Variants in TBL1X observed in about 807,000 individuals in gnomAD.
The protein encoded by TBL1X is transducin beta like 1 X-linked, also known as F-box-like/WD repeat-containing protein TBL1X.
In TBL1X, 10 loss-of-function variants were observed where a neutral mutation model predicts 50.7. The observed-to-expected ratio is 0.20, with a 90% CI of 0.12 to 0.33. The LOEUF (loss-of-function observed/expected upper bound fraction) is 0.33. TBL1X is among the 10% of genes least tolerant of loss of function. The pLI is 1.00. For missense variants in TBL1X, 340 were observed against 504.4 expected (o/e 0.67, Z 3.12); for synonymous variants, 190 against 214.7 (o/e 0.88, Z 1.01).
intron 5 of TBL1X, among the ~76,000 whole-genome samples, chrX:9,666,093 G>A (rs531195259): frequency 2.7e-5 from 3 of 111,580 alleles, no homozygotes; most frequent in African/African-American, 9.8e-5. Flanking sequence ...TGGAATGCAG[G>A]GTAAAAGCAT....
intron 3 of TBL1X, among the ~76,000 whole-genome samples, chrX:9,642,134 G>A (rs1479033473): frequency 9.0e-6 from 1 of 111,172 alleles, no homozygotes; most frequent in African/African-American, 3.3e-5. Context: ...GTTTTGAGTG[G>A]GTATTAGTTC....
At chrX:9,681,182 T>C (rs1894712262) in intron 5 of TBL1X, among the ~76,000 whole-genome samples, 1 of 111,903 alleles carries the variant, frequency 8.9e-6, no homozygotes, top group Admixed American at 9.5e-5. Flanking sequence ...TCTTTGTGAG[T>C]TGCCTGAGCT....
chrX:9,575,726 ATGT>A (rs1456477220), intron 2 of TBL1X, among the ~76,000 whole-genome samples: 62 of 112,280 alleles, frequency 5.5e-4, no homozygotes, highest in African/African-American at 1.9e-3. Flanking sequence ...CATCAGAGAA[ATGT>A]TGTTTGGTGG....
intron 11 of TBL1X, among the ~76,000 whole-genome samples, chrX:9,694,843 G>A (rs188667168): frequency 8.2e-4 from 90 of 110,012 alleles, no homozygotes; most frequent in African/African-American, 2.8e-3. Context: ...CGTGGTGGGG[G>A]ATGCCTGTAA....
At chrX:9,567,088 G>C (rs1277953275) in intron 2 of TBL1X, among the ~76,000 whole-genome samples, 1 of 111,782 alleles carries the variant, frequency 8.9e-6, no homozygotes, top group Admixed American at 9.5e-5. Context: ...GGCATCTGGC[G>C]GGTCATGGGA....
intron 5 of TBL1X, among the ~76,000 whole-genome samples, chrX:9,655,193 G>T (rs1454444985): frequency 9.0e-6 from 1 of 110,887 alleles, no homozygotes; most frequent in Non-Finnish European, 1.9e-5. Flanking sequence ...ATGACGTACC[G>T]CAAACTGGGG....
At chrX:9,483,023 A>T (rs895158570) in intron 1 of TBL1X, among the ~76,000 whole-genome samples, 1 of 110,970 alleles carries the variant, frequency 9.0e-6, no homozygotes, top group African/African-American at 3.3e-5. Flanking sequence ...CCCAGGGGAC[A>T]GTTTTGGTTG....
chrX:9,668,884 T>C (rs2082945330), intron 5 of TBL1X, among the ~76,000 whole-genome samples: 1 of 111,505 alleles, frequency 9.0e-6, no homozygotes, highest in South Asian at 3.8e-4. Context: ...CCAAGTTATC[T>C]TGAGACCTTG....
chrX:9,686,478 G>A (rs1220607746), intron 6 of TBL1X, among the ~76,000 whole-genome samples: 1 of 112,431 alleles, frequency 8.9e-6, no homozygotes, highest in Non-Finnish European at 1.9e-5. Context: ...CAGGAGGGTT[G>A]CCTGAGGCCA....
intron 5 of TBL1X, among the ~76,000 whole-genome samples, chrX:9,672,498 C>T (rs896542086): frequency 9.0e-6 from 1 of 111,722 alleles, no homozygotes; most frequent in Non-Finnish European, 1.9e-5. Context: ...GCCTCCTTCT[C>T]CGTTCACTTC....
chrX:9,616,661 A>G lies in TBL1X; in HGVS notation c.-130-23612A>G, dbSNP rs192087854. On this transcript the variant is annotated intron_variant, in intron 2 of 17. Transcript: ENST00000645353. ...TGACCCAATAAGGAAAATTTGCACT[A>G]TGTTTTCCTACAGCGATGGTGCTGT... 1.0e-3 allele frequency among the ~76,000 whole-genome samples: 112 copies of G among 112,362 alleles called. 1 individual carries two copies. The East Asian group carries it at 0.027, about 28-fold the overall frequency.
intron 5 of TBL1X, among the ~76,000 whole-genome samples, chrX:9,658,941 A>G (rs1362311006): frequency 9.0e-6 from 1 of 111,526 alleles, no homozygotes; most frequent in Non-Finnish European, 1.9e-5. Flanking sequence ...AGCAGCTGGG[A>G]CTATAGGCTT....
At chrX:9,667,123 G>A (rs1417678886) in intron 5 of TBL1X, among the ~76,000 whole-genome samples, 2 of 111,446 alleles carry the variant, frequency 1.8e-5, no homozygotes, top group Non-Finnish European at 3.8e-5. Context: ...TTAGCTGGGC[G>A]TGGTGGCGGG....
intron 2 of TBL1X, among the ~76,000 whole-genome samples, chrX:9,516,513 A>C (rs1309709116): frequency 8.9e-6 from 1 of 112,277 alleles, no homozygotes; most frequent in Non-Finnish European, 1.9e-5. Flanking sequence ...TCAAGCATCC[A>C]TCTCACTATT....
At chrX:9,589,276 TCA>T (rs1417031502) in intron 2 of TBL1X, among the ~76,000 whole-genome samples, 1 of 110,346 alleles carries the variant, frequency 9.1e-6, no homozygotes, top group Non-Finnish European at 1.9e-5. Context: ...GTATATCCTC[TCA>T]CGGTTCTGGA....
chrX:9,716,433 A>G lies in TBL1X; in HGVS notation c.*187A>G. 1 of 429,261 alleles carries G rather than the reference A, an allele frequency of 2.3e-6. No homozygotes were observed. The highest frequency in any genetic ancestry group is 4.1e-5 in the East Asian group (1 of 24,669). 35.4% of individuals were successfully genotyped at this position (429,261 alleles called of 1,213,427 possible). ...TTCATCAAGAAGTTTTTAAAAGGCA[A>G]GCAAAAACAGAAGCAAATCATATCA... On this transcript the variant is annotated 3_prime_UTR_variant, in exon 18 of 18. Coordinates refer to ENST00000645353, the MANE Select transcript of TBL1X (RefSeq NM_005647.4).
At chrX:9,644,677 A>G (rs1256319409) in intron 3 of TBL1X, 1 of 103,453 alleles carries the variant, frequency 9.7e-6, no homozygotes, top group East Asian at 2.9e-4. Flanking sequence ...TTTTTTTTAG[A>G]TGGAGGCTCG....
chrX:9,625,024 TC>T (rs2082685407), intron 2 of TBL1X, among the ~76,000 whole-genome samples: 1 of 112,400 alleles, frequency 8.9e-6, no homozygotes, highest in African/African-American at 3.2e-5. Flanking sequence ...TAAATATTGT[TC>T]CATTTGAAAC....
chrX:9,660,967 C>A (rs933819949), intron 5 of TBL1X, among the ~76,000 whole-genome samples: 1 of 112,069 alleles, frequency 8.9e-6, no homozygotes, highest in Admixed American at 9.4e-5. Context: ...GCCCCTTCTA[C>A]CATGTGGGAA....
Sources: gnomAD v4.1 joint callset for allele counts (sites outside exome capture counted in the v4.1 genomes callset) on GRCh38, gnomAD v4.1.1 for gene constraint, MANE v1.5 for transcripts, NCBI Gene and HGNC (gene_info 2026-07-23, HGNC 2026-07-21) for gene names.